The following PDZRN3 variants were observed in gnomAD, a reference collection of about 807,000 sequenced individuals.
PDZRN3 encodes PDZ domain containing ring finger 3, also known as E3 ubiquitin-protein ligase PDZRN3.
PDZRN3 carries 38 observed loss-of-function variants against 85.7 expected under a neutral mutation model. That is an observed-to-expected ratio of 0.44 (90% CI 0.34 to 0.58). The LOEUF (loss-of-function observed/expected upper bound fraction) is 0.58, where lower values mean the gene tolerates loss of function less well. Among genes scored for constraint, PDZRN3 ranks in the 20% least tolerant of loss-of-function variants. PDZRN3 has a pLI of 0.01. For missense variants in PDZRN3, 1,629 were observed against 1,506.4 expected (o/e 1.08, Z -1.35); for synonymous variants, 759 against 638.0 (o/e 1.19, Z -2.86).
intron 3 of PDZRN3, among the ~76,000 whole-genome samples, chr3:73,453,794 C>A (rs1408929591): frequency 2.0e-5 from 3 of 152,176 alleles, no homozygotes; most frequent in Admixed American, 2.0e-4. Flanking sequence ...CCGTGTTAAG[C>A]CACAAAGCAT....
At chr3:73,425,407 G>A (rs1702292686) in intron 3 of PDZRN3, among the ~76,000 whole-genome samples, 2 of 152,100 alleles carry the variant, frequency 1.3e-5, no homozygotes, top group African/African-American at 2.4e-5. Flanking sequence ...CCAAAGTCTA[G>A]GGGTAAAGTG....
chr3:73,520,477 G>A (rs1041725175), intron 3 of PDZRN3, among the ~76,000 whole-genome samples: 3 of 152,078 alleles, frequency 2.0e-5, no homozygotes, highest in Admixed American at 1.3e-4. Flanking sequence ...GCATGTTCCC[G>A]CCCAGCCAAC....
chr3:73,575,289 C>T (rs1702106546), intron 3 of PDZRN3, among the ~76,000 whole-genome samples: 1 of 152,070 alleles, frequency 6.6e-6, no homozygotes, highest in African/African-American at 2.4e-5. Context: ...CTGGAAGAGC[C>T]ATCCTTGCAT....
At chr3:73,520,489 G>A (rs1704339794) in intron 3 of PDZRN3, among the ~76,000 whole-genome samples, 1 of 152,176 alleles carries the variant, frequency 6.6e-6, no homozygotes, top group Admixed American at 6.5e-5. Flanking sequence ...CCAGCCAACA[G>A]AGCAAGACCC....
At chr3:73,597,025 G>C (rs1451726080) in intron 3 of PDZRN3, among the ~76,000 whole-genome samples, 2 of 152,136 alleles carry the variant, frequency 1.3e-5, no homozygotes, top group Non-Finnish European at 2.9e-5. Context: ...GGGGAATCTG[G>C]GTTAACGGTG....
intron 3 of PDZRN3, among the ~76,000 whole-genome samples, chr3:73,539,913 T>C (rs139187013): frequency 1.3e-5 from 2 of 152,124 alleles, no homozygotes; most frequent in African/African-American, 2.4e-5. Context: ...TGGTTAATTG[T>C]GGTGAGCATA....
chr3:73,536,236 C>T (rs1490839608), intron 3 of PDZRN3, among the ~76,000 whole-genome samples: 1 of 152,250 alleles, frequency 6.6e-6, no homozygotes, highest in Non-Finnish European at 1.5e-5. Context: ...TTGAAAGCTT[C>T]ATTACATTGA....
intron 3 of PDZRN3, among the ~76,000 whole-genome samples, chr3:73,453,693 C>T (rs1702921831): frequency 6.6e-6 from 1 of 152,018 alleles, no homozygotes; most frequent in Non-Finnish European, 1.5e-5. Flanking sequence ...GTTTGAAAAA[C>T]TCTTAAATTT....
chr3:73,490,387 A>G (rs1703747969), intron 3 of PDZRN3, among the ~76,000 whole-genome samples: 1 of 152,202 alleles, frequency 6.6e-6, no homozygotes, highest in Non-Finnish European at 1.5e-5. Context: ...TCTTATTGAT[A>G]ATGTACAACC....
chr3:73,429,841 C>T (rs1259398521), intron 3 of PDZRN3, among the ~76,000 whole-genome samples: 1 of 152,190 alleles, frequency 6.6e-6, no homozygotes, highest in Non-Finnish European at 1.5e-5. Context: ...CTCTGTGTTA[C>T]TCCGGAGCTC....
chr3:73,487,967 T>C (rs191593087), intron 3 of PDZRN3, among the ~76,000 whole-genome samples: 4 of 152,308 alleles, frequency 2.6e-5, no homozygotes, highest in African/African-American at 7.2e-5. Flanking sequence ...AAACACATTA[T>C]ATGCCTACTG....
At chr3:73,418,248 A>G (rs185181610) in intron 3 of PDZRN3, among the ~76,000 whole-genome samples, 11 of 152,338 alleles carry the variant, frequency 7.2e-5, no homozygotes, top group African/African-American at 2.6e-4. Context: ...TTAGCCGCAC[A>G]GAACACCTGA....
Position 73,525,728 on chromosome 3 carries a change from G to A in PDZRN3, c.918+76626C>T, listed in dbSNP as rs974635663. Among the ~76,000 whole-genome samples the A allele has an allele frequency of 2.0e-5, 3 of 152,300 alleles. No individual in the cohort carries two copies. In the East Asian group the frequency reaches 5.8e-4, roughly 29 times the overall value. ...TCACACATGGTGGTCCCCCTGCCAAGGCGAGGCATGCTGCTCCCTACTTGT... is the reference window on the plus strand; with the variant it reads ...TCACACATGGTGGTCCCCCTGCCAAAGCGAGGCATGCTGCTCCCTACTTGT... On this transcript the variant is annotated intron_variant, in intron 3 of 9. Transcript: ENST00000263666.
chr3:73,585,879 C>T (rs1702270012), intron 3 of PDZRN3, among the ~76,000 whole-genome samples: 1 of 152,188 alleles, frequency 6.6e-6, no homozygotes, highest in East Asian at 1.9e-4. Context: ...GGTGGCAAAG[C>T]TGGCACCTTC....
intron 3 of PDZRN3, among the ~76,000 whole-genome samples, chr3:73,471,034 C>T (rs970870512): frequency 4.6e-5 from 7 of 152,290 alleles, no homozygotes; most frequent in Middle Eastern, 3.4e-3. Flanking sequence ...AGAGTCCTAA[C>T]GGCCAGTCCT....
intron 3 of PDZRN3, among the ~76,000 whole-genome samples, chr3:73,551,607 T>C (rs1432326317): frequency 3.3e-5 from 5 of 149,920 alleles, no homozygotes; most frequent in Non-Finnish European, 5.9e-5. Context: ...GAGAATCATC[T>C]GAGCCTGGGA....
intron 3 of PDZRN3, among the ~76,000 whole-genome samples, chr3:73,589,079 G>A (rs929721088): frequency 3.4e-5 from 5 of 147,208 alleles, no homozygotes; most frequent in Admixed American, 6.8e-5. Context: ...ACAGAGTCTC[G>A]TTCTGTCCCC....
At chr3:73,534,990 C>T (rs1704743184) in intron 3 of PDZRN3, among the ~76,000 whole-genome samples, 1 of 151,894 alleles carries the variant, frequency 6.6e-6, no homozygotes, top group Admixed American at 6.6e-5. Context: ...CTGGTGATGT[C>T]AGACTTCATC....
intron 3 of PDZRN3, among the ~76,000 whole-genome samples, chr3:73,480,554 C>T (rs75943132): frequency 0.051 from 7,742 of 152,278 alleles, 273 homozygotes; most frequent in Non-Finnish European, 0.071. Flanking sequence ...CTCTAGCCAG[C>T]TTTTCAAGCC....
Sources: gnomAD v4.1 joint callset for allele counts (sites outside exome capture counted in the v4.1 genomes callset) on GRCh38, gnomAD v4.1.1 for gene constraint, MANE v1.5 for transcripts, NCBI Gene and HGNC (gene_info 2026-07-23, HGNC 2026-07-21) for gene names.